The following TRIQK variants were observed in gnomAD, a reference collection of about 807,000 sequenced individuals.
TRIQK encodes triple QxxK/R motif containing.
TRIQK carries 10 observed loss-of-function variants against 10.8 expected under a neutral mutation model. The observed-to-expected ratio is 0.92, with a 90% CI of 0.57 to 1.57. TRIQK has a LOEUF of 1.57. Among genes scored for constraint, TRIQK ranks in the 40% most tolerant of loss-of-function variants. The probability of loss-of-function intolerance (pLI) is 0.00; values close to 1 mark genes in which losing one functional copy is unlikely to be tolerated. For missense variants in TRIQK, 107 were observed against 97.7 expected (o/e 1.09, Z -0.40); for synonymous variants, 33 against 33.7 (o/e 0.98, Z 0.07).
At chr8:92,978,896 G>C (rs968994942) in intron 1 of TRIQK, among the ~76,000 whole-genome samples, 1 of 152,052 alleles carries the variant, frequency 6.6e-6, no homozygotes, top group African/African-American at 2.4e-5. Context: ...ACACCCTCAG[G>C]ACATAAGCAA....
At chr8:92,906,529 G>A (rs1809264458) in intron 3 of TRIQK, among the ~76,000 whole-genome samples, 2 of 152,040 alleles carry the variant, frequency 1.3e-5, no homozygotes, top group Admixed American at 6.6e-5. Flanking sequence ...ACCAACTAGA[G>A]AACTGAGAAT....
chr8:92,896,258 G>A (rs1236993546), intron 3 of TRIQK, among the ~76,000 whole-genome samples: 3 of 152,124 alleles, frequency 2.0e-5, no homozygotes, highest in East Asian at 1.9e-4. Flanking sequence ...GCAGCTCCGG[G>A]GACACAAGGG....
chr8:92,948,060 C>T (rs574172602), intron 2 of TRIQK, among the ~76,000 whole-genome samples: 2 of 152,252 alleles, frequency 1.3e-5, no homozygotes, highest in South Asian at 2.1e-4. Context: ...TTCTCACACA[C>T]ATAAAAACAC....
intron 1 of TRIQK, among the ~76,000 whole-genome samples, chr8:92,955,873 C>G (rs1812145550): frequency 6.6e-6 from 1 of 151,616 alleles, no homozygotes; most frequent in Non-Finnish European, 1.5e-5. Flanking sequence ...CAATGAGATA[C>G]CACTTTACTC....
intron 1 of TRIQK, among the ~76,000 whole-genome samples, chr8:92,991,753 T>G (rs2130750490): frequency 6.6e-6 from 1 of 152,076 alleles, no homozygotes; most frequent in East Asian, 1.9e-4. Flanking sequence ...ATTTAGAAAA[T>G]CCCATCGTCT....
rs199873958 is a variant in TRIQK at position 92,924,758 on chromosome 8, AT to A, written c.-21-7749del. On this transcript the variant is annotated intron_variant, in intron 2 of 4. Transcript: ENST00000521988. ...TATTTCAATATTATAAGTCATATTA[AT>A]TATTTCAATTAATTATATGTATTAC... Among the ~76,000 whole-genome samples the A allele has an allele frequency of 6.9e-3, 1,055 of 151,902 alleles. 24 individuals are homozygous for A. Among genetic ancestry groups the A allele is most frequent in the Admixed American group, 0.04 (609 of 15,242 alleles).
At chr8:92,937,164 A>C (rs1231454063) in intron 2 of TRIQK, among the ~76,000 whole-genome samples, 2 of 151,924 alleles carry the variant, frequency 1.3e-5, no homozygotes, top group African/African-American at 2.4e-5. Context: ...GTATGTCTAC[A>C]TAATTTATTC....
At chr8:93,006,611 G>A (rs977070626) in intron 1 of TRIQK, among the ~76,000 whole-genome samples, 2 of 151,918 alleles carry the variant, frequency 1.3e-5, no homozygotes, top group African/African-American at 2.4e-5. Flanking sequence ...ATGAGCTCCC[G>A]GCGGGGAGGG....
chr8:92,908,279 A>G (rs1174203074), intron 3 of TRIQK, among the ~76,000 whole-genome samples: 2 of 152,092 alleles, frequency 1.3e-5, no homozygotes, highest in Non-Finnish European at 2.9e-5. Flanking sequence ...TCGACTTTAC[A>G]CTAGCCACAC....
intron 3 of TRIQK, among the ~76,000 whole-genome samples, chr8:92,895,388 G>C (rs950175176): frequency 3.3e-5 from 5 of 152,198 alleles, no homozygotes; most frequent in African/African-American, 1.2e-4. Flanking sequence ...TGGAAATGTG[G>C]AAGTGGCTTT....
intron 1 of TRIQK, among the ~76,000 whole-genome samples, chr8:93,001,141 A>C (rs1054712818): frequency 2.0e-5 from 3 of 152,058 alleles, no homozygotes; most frequent in Non-Finnish European, 4.4e-5. Context: ...CCCCGTCTCT[A>C]CTAAAAATAC....
chr8:92,991,714 GTC>G (rs1200131876), intron 1 of TRIQK, among the ~76,000 whole-genome samples: 3 of 152,272 alleles, frequency 2.0e-5, no homozygotes, highest in Middle Eastern at 3.4e-3. Flanking sequence ...AAGTCAAATT[GTC>G]TCTGTTTGCA....
intron 1 of TRIQK, among the ~76,000 whole-genome samples, chr8:92,996,606 ATTC>A (rs1288295551): frequency 6.6e-5 from 10 of 152,034 alleles, no homozygotes; most frequent in Non-Finnish European, 1.5e-4. Flanking sequence ...ACTATAATTA[ATTC>A]TTCTTTGAAT....
At chr8:93,016,547 AT>A (rs1182571814) in intron 1 of TRIQK, among the ~76,000 whole-genome samples, 1 of 152,238 alleles carries the variant, frequency 6.6e-6, no homozygotes, top group Non-Finnish European at 1.5e-5. Flanking sequence ...TTCCACAAAT[AT>A]TTCACTTTTG....
At chr8:93,004,932 T>C (rs1278339219) in intron 1 of TRIQK, among the ~76,000 whole-genome samples, 3 of 152,312 alleles carry the variant, frequency 2.0e-5, no homozygotes, top group Admixed American at 2.0e-4. Flanking sequence ...CCACAACCAT[T>C]CAACAAGTTT....
chr8:92,924,110 C>T (rs1231598973), intron 2 of TRIQK, among the ~76,000 whole-genome samples: 1 of 151,928 alleles, frequency 6.6e-6, no homozygotes, highest in Non-Finnish European at 1.5e-5. Flanking sequence ...AAACGTGAAG[C>T]TATAGTTAGG....
chr8:92,966,805 T>C (rs532954135), upstream of TRIQK, among the ~76,000 whole-genome samples: 2 of 152,074 alleles, frequency 1.3e-5, no homozygotes, highest in South Asian at 2.1e-4. Flanking sequence ...ATTCAACAAA[T>C]CTAAGTGCCT....
chr8:93,003,114 A>T (rs1279255394), intron 1 of TRIQK, among the ~76,000 whole-genome samples: 1 of 152,118 alleles, frequency 6.6e-6, no homozygotes, highest in African/African-American at 2.4e-5. Context: ...AACATTAAAA[A>T]GACTATTTAC....
chr8:93,009,982 C>A (rs949370356), intron 1 of TRIQK, among the ~76,000 whole-genome samples: 2 of 151,962 alleles, frequency 1.3e-5, no homozygotes, highest in Non-Finnish European at 2.9e-5. Context: ...ATGGATGAAG[C>A]TAAAGGACAT....
Sources: gnomAD v4.1 joint callset for allele counts (sites outside exome capture counted in the v4.1 genomes callset) on GRCh38, gnomAD v4.1.1 for gene constraint, MANE v1.5 for transcripts, NCBI Gene and HGNC (gene_info 2026-07-23, HGNC 2026-07-21) for gene names.